The following GMDS variants were observed in gnomAD, a reference collection of about 807,000 sequenced individuals.
GMDS encodes the protein GDP-mannose 4,6 dehydratase.
A neutral mutation model predicts 49.9 loss-of-function variants in GMDS; 20 were observed. The observed-to-expected ratio is 0.40, with a 90% CI of 0.28 to 0.58. The LOEUF is 0.58. Ranked by LOEUF, GMDS falls within the 20% of genes least tolerant of loss-of-function variation. The probability of loss-of-function intolerance (pLI) is 0.42; values close to 1 mark genes in which losing one functional copy is unlikely to be tolerated. For synonymous variants in GMDS, 177 were observed against 178.6 expected, an observed-to-expected ratio of 0.99 and a Z score of 0.07; for missense variants, 362 against 481.4, an observed-to-expected ratio of 0.75 and a Z score of 2.32.
intron 4 of GMDS, among the ~76,000 whole-genome samples, chr6:1,966,889 C>A (rs150914074): frequency 1.3e-5 from 2 of 152,206 alleles, no homozygotes; most frequent in African/African-American, 4.8e-5. Flanking sequence ...TTAGCCCACA[C>A]CTTAATTTAG....
At position 1,655,512 on chromosome 6, in the gene GMDS, C is replaced by T. The variant is rs543962932; in HGVS notation, c.988-30972G>A. Among the ~76,000 whole-genome samples the T allele has an allele frequency of 3.6e-4, 37 of 101,768 alleles. 1 individual carries two copies. The East Asian group carries it at 0.011, about 31-fold the overall frequency. 66.8% of individuals were successfully genotyped at this position (101,768 alleles called of 152,430 possible). ...ACACACACATACACACACACACACA[C>T]ACACACATATTTTTTTTTTTTGAGA... is the stretch of plus-strand genomic sequence containing the variant. On this transcript the variant is annotated intron_variant, in intron 9 of 10. Coordinates refer to ENST00000380815, the MANE Select transcript of GMDS (RefSeq NM_001500.4).
chr6:1,833,013 C>T lies in GMDS; in HGVS notation c.772-90427G>A, dbSNP rs1227779765. ...TGAAGATCATTAGTAGCACTGAGTGCAACCACTGTCAGTTTTGTGGGGTTG... is the reference window on the plus strand; with the variant it reads ...TGAAGATCATTAGTAGCACTGAGTGTAACCACTGTCAGTTTTGTGGGGTTG... On this transcript the variant is annotated intron_variant, in intron 7 of 10. Coordinates refer to ENST00000380815, the MANE Select transcript of GMDS (RefSeq NM_001500.4). This position sits in a 1 kb window ranked among gnomAD's most constrained non-coding sequence, Gnocchi z 4.4. Among the ~76,000 whole-genome samples the T allele has an allele frequency of 4.6e-5, 7 of 152,026 alleles. No homozygotes were observed. The highest frequency in any genetic ancestry group is 1.7e-4 in the African/African-American group (7 of 41,374).
At chr6:2,110,592 C>T (rs73416657) in intron 4 of GMDS, among the ~76,000 whole-genome samples, 19,326 of 152,090 alleles carry the variant, frequency 0.13, 3,274 homozygotes, top group African/African-American at 0.39. Flanking sequence ...GAGGAGTGTT[C>T]AGACTCAACC....
intron 9 of GMDS, among the ~76,000 whole-genome samples, chr6:1,708,178 G>A (rs1424298584): frequency 6.6e-6 from 1 of 152,212 alleles, no homozygotes; most frequent in African/African-American, 2.4e-5. Context: ...TAAAGAATCA[G>A]CCATTTGCTC....
chr6:1,674,557 T>TCC (rs1289208910), intron 9 of GMDS, among the ~76,000 whole-genome samples: 58 of 69,346 alleles, frequency 8.4e-4, no homozygotes, highest in Non-Finnish European at 1.4e-3. Flanking sequence ...TCTCTCTCTC[T>TCC]CTCTTTTTTT....
At chr6:1,932,582 G>A (rs1341035370) in intron 6 of GMDS, among the ~76,000 whole-genome samples, 1 of 144,306 alleles carries the variant, frequency 6.9e-6, no homozygotes, top group Admixed American at 7.1e-5. Flanking sequence ...CTGTCACCCA[G>A]GCTGGAGTGC....
At chr6:1,765,774 C>A (rs918573571) in intron 7 of GMDS, among the ~76,000 whole-genome samples, 2 of 152,186 alleles carry the variant, frequency 1.3e-5, no homozygotes, top group South Asian at 4.1e-4. Flanking sequence ...CAGATTCTCG[C>A]TGGTGCCCGA....
At chr6:2,078,523 T>C (rs1772480282) in intron 4 of GMDS, among the ~76,000 whole-genome samples, 1 of 152,086 alleles carries the variant, frequency 6.6e-6, no homozygotes, top group Non-Finnish European at 1.5e-5. Context: ...TCTTAATTGA[T>C]CTAATCGTCA....
chr6:1,731,870 A>G (rs1249834956), intron 8 of GMDS, among the ~76,000 whole-genome samples: 1 of 152,212 alleles, frequency 6.6e-6, no homozygotes, highest in African/African-American at 2.4e-5. Flanking sequence ...TGCCTCAGGA[A>G]GATGTGACTG....
At chr6:1,725,798 TA>T in intron 9 of GMDS, among the ~76,000 whole-genome samples, 1 of 152,326 alleles carries the variant, frequency 6.6e-6, no homozygotes, top group South Asian at 2.1e-4. Flanking sequence ...GAAAGACATG[TA>T]AACAAATGAT....
chr6:2,234,924 G>A (rs1005428058), intron 1 of GMDS, among the ~76,000 whole-genome samples: 1 of 152,164 alleles, frequency 6.6e-6, no homozygotes, highest in South Asian at 2.1e-4. Flanking sequence ...TCTGGAGTTC[G>A]AGACCAGCCT....
At chr6:1,711,026 C>A (rs1765938924) in intron 9 of GMDS, among the ~76,000 whole-genome samples, 1 of 152,340 alleles carries the variant, frequency 6.6e-6, no homozygotes. Flanking sequence ...CCGGACCTGG[C>A]AGTTCAGCTT....
chr6:1,746,639 A>G (rs1767507173), intron 7 of GMDS, among the ~76,000 whole-genome samples: 1 of 152,176 alleles, frequency 6.6e-6, no homozygotes, highest in Non-Finnish European at 1.5e-5. Flanking sequence ...TATATAATTA[A>G]TCTATCTGTT....
chr6:1,709,688 C>T (rs1338933869), intron 9 of GMDS, among the ~76,000 whole-genome samples: 1 of 152,220 alleles, frequency 6.6e-6, no homozygotes, highest in Admixed American at 6.5e-5. Flanking sequence ...ACTCCTCTGG[C>T]TGCCCTTACA....
intron 8 of GMDS, among the ~76,000 whole-genome samples, chr6:1,734,445 A>C (rs1026079277): frequency 1.3e-5 from 2 of 152,226 alleles, no homozygotes; most frequent in African/African-American, 4.8e-5. Flanking sequence ...GCAGTGCATA[A>C]ATGGAAGAAC....
chr6:2,122,463 T>C (rs115583482), intron 2 of GMDS, among the ~76,000 whole-genome samples: 1 of 152,148 alleles, frequency 6.6e-6, no homozygotes, highest in Non-Finnish European at 1.5e-5. Flanking sequence ...CCCTCTCTCA[T>C]CCTACTTCAT....
chr6:1,672,627 T>C (rs1764465617), intron 9 of GMDS, among the ~76,000 whole-genome samples: 1 of 152,234 alleles, frequency 6.6e-6, no homozygotes, highest in Non-Finnish European at 1.5e-5. Flanking sequence ...AATGGCAGAC[T>C]GCAGAGGGTT....
chr6:2,066,057 A>T (rs1187065070), intron 4 of GMDS, among the ~76,000 whole-genome samples: 1 of 152,256 alleles, frequency 6.6e-6, no homozygotes, highest in East Asian at 1.9e-4. Flanking sequence ...AGCCCATCAG[A>T]CTAAGCGGAT....
intron 7 of GMDS, among the ~76,000 whole-genome samples, chr6:1,761,024 T>C (rs1768135344): frequency 6.6e-6 from 1 of 152,144 alleles, no homozygotes; most frequent in South Asian, 2.1e-4. Context: ...CATTTGAGTG[T>C]AGTGATAAAG....
Sources: allele counts gnomAD v4.1 joint callset (sites outside exome capture counted in the v4.1 genomes callset), GRCh38; gene constraint gnomAD v4.1.1; non-coding constraint Gnocchi (gnomAD v3.1); transcripts MANE v1.5; gene names NCBI Gene and HGNC (gene_info 2026-07-23, HGNC 2026-07-21).